VAV3: variants seen among roughly 807,000 people sequenced by gnomAD.
VAV3 encodes the protein vav guanine nucleotide exchange factor 3.
Under a neutral mutation model 131.2 loss-of-function variants are expected in VAV3, and 94 were observed. The ratio of observed to expected loss-of-function variants is 0.72; its 90% CI spans 0.61 to 0.85. The LOEUF is 0.85. Among genes scored for constraint, VAV3 ranks in the 40% least tolerant of loss-of-function variants. The probability of loss-of-function intolerance (pLI) is 0.00; values close to 1 mark genes in which losing one functional copy is unlikely to be tolerated. For missense variants in VAV3, 939 were observed against 1,002.7 expected (o/e 0.94, Z 0.86); for synonymous variants, 349 against 342.0 (o/e 1.02, Z -0.22).
chr1:107,701,485 T>C (rs974451150), intron 17 of VAV3, among the ~76,000 whole-genome samples: 12 of 152,030 alleles, frequency 7.9e-5, no homozygotes, highest in African/African-American at 2.7e-4. Context: ...AGGACCATGA[T>C]GGAAGGGGCT....
intron 20 of VAV3, among the ~76,000 whole-genome samples, chr1:107,637,347 GC>G (rs897337868): frequency 7.2e-5 from 11 of 152,008 alleles, no homozygotes; most frequent in Admixed American, 7.2e-4. Flanking sequence ...TCTAGGCCAG[GC>G]GTGCTGACTC....
intron 20 of VAV3, among the ~76,000 whole-genome samples, chr1:107,619,543 G>A (rs1557708480): frequency 6.6e-6 from 1 of 152,112 alleles, no homozygotes; most frequent in Non-Finnish European, 1.5e-5. Context: ...ATAAAGGAGT[G>A]TGGTAGGAAC....
chr1:107,700,825 A>G (rs908673266), intron 17 of VAV3, among the ~76,000 whole-genome samples: 1 of 152,148 alleles, frequency 6.6e-6, no homozygotes, highest in African/African-American at 2.4e-5. Flanking sequence ...TAGTAATGGG[A>G]TTGCTGAGTC....
chr1:107,802,272 C>G (rs1217414788), intron 2 of VAV3, among the ~76,000 whole-genome samples: 2 of 151,644 alleles, frequency 1.3e-5, no homozygotes, highest in Admixed American at 1.3e-4. Flanking sequence ...TTAGATTTTT[C>G]TAAATAAATG....
chr1:107,898,132 A>G (rs553950364), intron 1 of VAV3, among the ~76,000 whole-genome samples: 107 of 152,196 alleles, frequency 7.0e-4, no homozygotes, highest in Middle Eastern at 6.8e-3. Context: ...ATCAAAACTC[A>G]GCACCTGTTC....
At position 107,689,453 on chromosome 1, in the gene VAV3, A is replaced by G. The variant is rs539793452; in HGVS notation, c.1706-1047T>C. Among the ~76,000 whole-genome samples, 27 of 152,132 alleles carry G rather than the reference A, an allele frequency of 1.8e-4. 1 individual carries two copies. The highest frequency in any genetic ancestry group is 6.5e-4 in the African/African-American group (27 of 41,526). Reference sequence around the variant, plus strand: ...TAGCTGCCACAGATTGCTTTACACAAGAAGATTGCCTGGGGCATGGAACAG... The same window carrying G: ...TAGCTGCCACAGATTGCTTTACACAGGAAGATTGCCTGGGGCATGGAACAG... On this transcript the variant is annotated intron_variant, in intron 17 of 26. Coordinates refer to ENST00000370056, the MANE Select transcript of VAV3 (RefSeq NM_006113.5).
intron 20 of VAV3, among the ~76,000 whole-genome samples, chr1:107,626,819 C>T (rs775927273): frequency 1.3e-5 from 2 of 152,242 alleles, no homozygotes; most frequent in Non-Finnish European, 2.9e-5. Flanking sequence ...TTTTGGTGTC[C>T]GGAATCAGTT....
chr1:107,779,018 T>C (rs1001361319), intron 3 of VAV3, among the ~76,000 whole-genome samples: 10 of 152,196 alleles, frequency 6.6e-5, no homozygotes, highest in Admixed American at 1.3e-4. Flanking sequence ...TTATACTTGT[T>C]TGATTATTTC....
chr1:107,842,291 C>A (rs115106257), intron 2 of VAV3, among the ~76,000 whole-genome samples: 1 of 152,070 alleles, frequency 6.6e-6, no homozygotes, highest in Non-Finnish European at 1.5e-5. Flanking sequence ...AAGGGAGTTG[C>A]GAGATGAATA....
Position 107,690,804 on chromosome 1 carries a change from T to C in VAV3, c.1706-2398A>G, listed in dbSNP as rs562784913. 4.6e-5 allele frequency among the ~76,000 whole-genome samples: 7 copies of C among 152,244 alleles called. No homozygotes were observed. In the East Asian group the frequency reaches 7.7e-4, roughly 17 times the overall value. ...AGGGCTTCCCCTTTGCCTTTCTCCT[T>C]GCTATCCCTTCCTGTCCTCATGGCC... On this transcript the variant is annotated intron_variant, in intron 17 of 26. Transcript: ENST00000370056.
intron 15 of VAV3, among the ~76,000 whole-genome samples, chr1:107,715,675 T>C (rs2101896480): frequency 6.6e-6 from 1 of 152,326 alleles, no homozygotes. Context: ...AATGCATTGT[T>C]CATTCTCTTA....
At chr1:107,838,786 T>C (rs1052901208) in intron 2 of VAV3, among the ~76,000 whole-genome samples, 3 of 152,138 alleles carry the variant, frequency 2.0e-5, no homozygotes, top group Non-Finnish European at 2.9e-5. Flanking sequence ...AATAAAATCA[T>C]GTCCTTTGCA....
intron 1 of VAV3, among the ~76,000 whole-genome samples, chr1:107,918,344 C>T (rs1220531589): frequency 6.6e-6 from 1 of 152,108 alleles, no homozygotes; most frequent in African/African-American, 2.4e-5. Context: ...CAACAGCAGA[C>T]CTGGTAAATG....
chr1:107,824,788 T>TA (rs1557868347), intron 2 of VAV3, among the ~76,000 whole-genome samples: 1 of 152,096 alleles, frequency 6.6e-6, no homozygotes, highest in Non-Finnish European at 1.5e-5. Context: ...ACTAAGTGGT[T>TA]AGTCACAATG....
intron 21 of VAV3, among the ~76,000 whole-genome samples, chr1:107,611,596 C>CA (rs66982121): frequency 0.44 from 52,155 of 119,802 alleles, 9,898 homozygotes; most frequent in Middle Eastern, 0.5. Context: ...CATAGAGAAC[C>CA]AAAAAAAAAA....
At chr1:107,864,552 G>A (rs1211450476) in intron 2 of VAV3, among the ~76,000 whole-genome samples, 1 of 152,224 alleles carries the variant, frequency 6.6e-6, no homozygotes, top group Admixed American at 6.5e-5. Context: ...CAGTCAGAGA[G>A]AAGGAGGTTG....
intron 2 of VAV3, among the ~76,000 whole-genome samples, chr1:107,805,861 T>C (rs1031503415): frequency 5.3e-5 from 8 of 152,124 alleles, no homozygotes; most frequent in African/African-American, 9.7e-5. Flanking sequence ...CTTTCCAGCA[T>C]TAGATGGAAC....
At chr1:107,720,928 T>A (rs1661457641) in intron 15 of VAV3, among the ~76,000 whole-genome samples, 1 of 152,164 alleles carries the variant, frequency 6.6e-6, no homozygotes, top group East Asian at 1.9e-4. Context: ...AGATAAGGTA[T>A]GAGAGGATAA....
At chr1:107,843,258 T>A (rs1406767492) in intron 2 of VAV3, among the ~76,000 whole-genome samples, 2 of 151,786 alleles carry the variant, frequency 1.3e-5, no homozygotes, top group Non-Finnish European at 2.9e-5. Context: ...CCTATAAACC[T>A]TTGGTGCTTC....
Sources: gnomAD v4.1 joint callset for allele counts (sites outside exome capture counted in the v4.1 genomes callset) on GRCh38, gnomAD v4.1.1 for gene constraint, MANE v1.5 for transcripts, NCBI Gene and HGNC (gene_info 2026-07-23, HGNC 2026-07-21) for gene names.